Variants in PRKN observed in about 807,000 individuals in gnomAD.
PRKN encodes the protein E3 ubiquitin-protein ligase parkin.
Under a neutral mutation model 59.5 loss-of-function variants are expected in PRKN, and 56 were observed. The ratio of observed to expected loss-of-function variants is 0.94; its 90% CI spans 0.76 to 1.18. The LOEUF is 1.18. Ranked by LOEUF, PRKN falls within the 50% of genes most tolerant of loss-of-function variation. The pLI, the probability that PRKN is intolerant of heterozygous loss-of-function variation, is 0.00. For missense variants in PRKN, 657 were observed against 596.4 expected (o/e 1.10, Z -1.06); for synonymous variants, 250 against 222.1 (o/e 1.13, Z -1.12).
intron 5 of PRKN, among the ~76,000 whole-genome samples, chr6:161,974,324 C>T (rs1049053046): frequency 1.3e-5 from 2 of 152,120 alleles, no homozygotes; most frequent in Admixed American, 6.5e-5. Flanking sequence ...GCATCAACAC[C>T]CCAGCATTCC....
chr6:161,868,122 T>C (rs1011388068), intron 6 of PRKN, among the ~76,000 whole-genome samples: 4 of 152,110 alleles, frequency 2.6e-5, no homozygotes, highest in Admixed American at 6.6e-5. Context: ...TGGATTATAA[T>C]GTTTCTAAGA....
intron 2 of PRKN, among the ~76,000 whole-genome samples, chr6:162,340,966 TCA>T (rs1043674913): frequency 3.3e-5 from 5 of 152,036 alleles, no homozygotes; most frequent in African/African-American, 9.7e-5. Context: ...GAAACTATCC[TCA>T]GAGTCAACAG....
At chr6:162,543,254 T>A (rs575931259) in intron 1 of PRKN, among the ~76,000 whole-genome samples, 1 of 152,112 alleles carries the variant, frequency 6.6e-6, no homozygotes, top group Non-Finnish European at 1.5e-5. Flanking sequence ...AAGAATATGA[T>A]TGGACTATTA....
intron 1 of PRKN, among the ~76,000 whole-genome samples, chr6:162,528,230 G>T (rs1045241722): frequency 6.6e-6 from 1 of 151,720 alleles, no homozygotes; most frequent in Non-Finnish European, 1.5e-5. Flanking sequence ...GCTGAGGCAG[G>T]AGAATCGCTT....
At chr6:162,114,663 C>A (rs1240921916) in intron 4 of PRKN, among the ~76,000 whole-genome samples, 1 of 150,044 alleles carries the variant, frequency 6.7e-6, no homozygotes, top group East Asian at 1.9e-4. Flanking sequence ...AAACAAACAA[C>A]CCTATCAAAA....
chr6:162,136,102 G>A (rs998084219), intron 4 of PRKN, among the ~76,000 whole-genome samples: 4 of 148,950 alleles, frequency 2.7e-5, no homozygotes, highest in African/African-American at 4.9e-5. Flanking sequence ...ATGTATTTAT[G>A]TATATATAAA....
chr6:161,769,092 G>C (rs763610471), intron 7 of PRKN, among the ~76,000 whole-genome samples: 5 of 152,182 alleles, frequency 3.3e-5, no homozygotes, highest in African/African-American at 4.8e-5. Context: ...GTTAATCCCT[G>C]ATTCAAAGGA....
intron 6 of PRKN, among the ~76,000 whole-genome samples, chr6:161,949,512 A>AAAACAAAC (rs10644394): frequency 6.6e-5 from 10 of 152,026 alleles, no homozygotes; most frequent in African/African-American, 1.4e-4. Context: ...CTCTGTCTTA[A>AAAACAAAC]AAACAAACAA....
At chr6:162,600,230 G>A (rs1198528281) in intron 1 of PRKN, among the ~76,000 whole-genome samples, 1 of 152,062 alleles carries the variant, frequency 6.6e-6, no homozygotes, top group Non-Finnish European at 1.5e-5. Context: ...ATGCCATCAC[G>A]TGGTATACTC....
intron 6 of PRKN, among the ~76,000 whole-genome samples, chr6:161,874,332 G>T (rs1223627294): frequency 1.4e-5 from 1 of 69,496 alleles, no homozygotes; most frequent in Non-Finnish European, 2.3e-5. Flanking sequence ...TATATTACAT[G>T]TAAAATATTA....
chr6:161,897,976 A>AAAAAAAAAAAAAAAAAAAAAAAC (rs1777718303), intron 6 of PRKN, among the ~76,000 whole-genome samples: 1 of 143,468 alleles, frequency 7.0e-6, no homozygotes. Context: ...CAAAAAAAAA[A>AAAAAAAAAAAAAAAAAAAAAAAC]AAAAAAAAGT....
intron 6 of PRKN, among the ~76,000 whole-genome samples, chr6:161,828,444 G>A (rs558425725): frequency 2.0e-5 from 3 of 152,276 alleles, no homozygotes; most frequent in Admixed American, 1.3e-4. Flanking sequence ...ACAACAGCAC[G>A]GCAGACCCTT....
chr6:161,740,609 C>G (rs1400922380), intron 7 of PRKN, among the ~76,000 whole-genome samples: 3 of 152,200 alleles, frequency 2.0e-5, no homozygotes, highest in Non-Finnish European at 4.4e-5. Flanking sequence ...CATTTAGAAA[C>G]CGGATGTGGT....
At chr6:161,700,829 A>T (rs1030902932) in intron 7 of PRKN, among the ~76,000 whole-genome samples, 4 of 152,206 alleles carry the variant, frequency 2.6e-5, no homozygotes, top group Admixed American at 6.5e-5. Flanking sequence ...ATTACACTCT[A>T]GCCAAAGAAA....
intron 5 of PRKN, among the ~76,000 whole-genome samples, chr6:162,036,258 A>G (rs913770645): frequency 7.9e-5 from 12 of 151,758 alleles, no homozygotes; most frequent in Non-Finnish European, 1.8e-4. Context: ...CGGGAGGCGG[A>G]GCTTGCAGTG....
intron 2 of PRKN, among the ~76,000 whole-genome samples, chr6:162,302,963 T>TACATACAC (rs1554297630): frequency 7.2e-6 from 1 of 139,494 alleles, no homozygotes; most frequent in African/African-American, 2.8e-5. Flanking sequence ...GCCTTAAACA[T>TACATACAC]ACACACACAC....
chr6:161,987,240 A>G (rs1298546012), intron 5 of PRKN, among the ~76,000 whole-genome samples: 1 of 152,232 alleles, frequency 6.6e-6, no homozygotes. Flanking sequence ...TATACCGGAA[A>G]ACTAAGATGA....
At chr6:161,891,124 G>A (rs1795326975) in intron 6 of PRKN, among the ~76,000 whole-genome samples, 1 of 152,184 alleles carries the variant, frequency 6.6e-6, no homozygotes, top group East Asian at 1.9e-4. Flanking sequence ...TACCAGGAGA[G>A]TTTTATGGCT....
At chr6:162,000,765 C>T (rs145949385) in intron 5 of PRKN, among the ~76,000 whole-genome samples, 1 of 151,804 alleles carries the variant, frequency 6.6e-6, no homozygotes, top group African/African-American at 2.4e-5. Flanking sequence ...GTTACTTTCT[C>T]GGAGTCTTAT....
Sources: gnomAD v4.1 joint callset for allele counts (sites outside exome capture counted in the v4.1 genomes callset) on GRCh38, gnomAD v4.1.1 for gene constraint, MANE v1.5 for transcripts, NCBI Gene and HGNC (gene_info 2026-07-23, HGNC 2026-07-21) for gene names.